The following MAPK10 variants were observed in gnomAD, a reference collection of about 807,000 sequenced individuals.
MAPK10 encodes the protein mitogen-activated protein kinase 10, also known as JNK3 alpha protein kinase.
MAPK10 carries 25 observed loss-of-function variants against 59.3 expected under a neutral mutation model. The ratio of observed to expected loss-of-function variants is 0.42; its 90% CI spans 0.31 to 0.59. The LOEUF (loss-of-function observed/expected upper bound fraction) is 0.59. MAPK10 is among the 20% of genes least tolerant of loss of function. The pLI, the probability that MAPK10 is intolerant of heterozygous loss-of-function variation, is 0.15. For missense variants in MAPK10, 351 were observed against 568.9 expected, an observed-to-expected ratio of 0.62 and a Z score of 3.90; for synonymous variants, 190 against 200.5, an observed-to-expected ratio of 0.95 and a Z score of 0.44.
At chr4:86,134,127 A>C (rs1400573403) in intron 4 of MAPK10, among the ~76,000 whole-genome samples, 3 of 152,216 alleles carry the variant, frequency 2.0e-5, no homozygotes, top group African/African-American at 7.2e-5. Flanking sequence ...CCAAAATCTA[A>C]GTCCTATTAA....
intron 2 of MAPK10, among the ~76,000 whole-genome samples, chr4:86,352,882 A>G (rs1732302249): frequency 6.6e-6 from 1 of 152,198 alleles, no homozygotes; most frequent in East Asian, 1.9e-4. Flanking sequence ...ATTTTGTCTA[A>G]GAGATCCTTC....
intron 2 of MAPK10, among the ~76,000 whole-genome samples, chr4:86,241,059 T>G (rs1222447800): frequency 1.3e-5 from 2 of 152,224 alleles, no homozygotes; most frequent in African/African-American, 4.8e-5. Flanking sequence ...AGCATTTTCT[T>G]GTCTGGAAAG....
chr4:86,415,697 A>G (rs974604004), intron 1 of MAPK10, among the ~76,000 whole-genome samples: 1 of 152,212 alleles, frequency 6.6e-6, no homozygotes, highest in African/African-American at 2.4e-5. Context: ...TGGTGACCAT[A>G]TATTTTCTCT....
intron 2 of MAPK10, among the ~76,000 whole-genome samples, chr4:86,337,164 A>C (rs574371729): frequency 6.6e-6 from 1 of 152,314 alleles, no homozygotes; most frequent in South Asian, 2.1e-4. Context: ...TAGATACTCA[A>C]TAAATATTTG....
upstream of MAPK10, chr4:86,453,358 C>T (rs1033193607): frequency 6.5e-6 from 1 of 152,724 alleles, no homozygotes; most frequent in Non-Finnish European, 1.5e-5. Context: ...GGGGAAAGTA[C>T]TCGGTCCTGC....
chr4:86,384,151 G>C (rs1196300218), intron 1 of MAPK10: 3 of 152,162 alleles, frequency 2.0e-5, no homozygotes, highest in African/African-American at 7.2e-5. Flanking sequence ...CTAGAAAGTA[G>C]CTTTGATGTT....
chr4:86,242,732 A>G (rs552825174), intron 2 of MAPK10, among the ~76,000 whole-genome samples: 94 of 152,338 alleles, frequency 6.2e-4, no homozygotes, highest in African/African-American at 1.0e-3. Context: ...GAGCTACAGA[A>G]GTAGGTGCTG....
At chr4:86,414,766 A>T (rs1241849604) in intron 1 of MAPK10, among the ~76,000 whole-genome samples, 1 of 152,096 alleles carries the variant, frequency 6.6e-6, no homozygotes, top group East Asian at 1.9e-4. Flanking sequence ...CAGGTCCCCT[A>T]AAAAGGATAT....
At chr4:86,077,921 A>G (rs1200149085) in intron 9 of MAPK10, among the ~76,000 whole-genome samples, 2 of 152,190 alleles carry the variant, frequency 1.3e-5, no homozygotes, top group Non-Finnish European at 2.9e-5. Flanking sequence ...TCAGTTAGTA[A>G]TGTCTGCAAC....
At chr4:86,308,832 G>A (rs2095617857) in intron 2 of MAPK10, 1 of 152,036 alleles carries the variant, frequency 6.6e-6, no homozygotes, top group Non-Finnish European at 1.5e-5. Flanking sequence ...AATATGAACT[G>A]GTATTCAATT....
Position 86,237,614 on chromosome 4 carries a change from A to G in MAPK10, c.-6-43207T>C, listed in dbSNP as rs1158708334. Among the ~76,000 whole-genome samples, 8 of 152,224 alleles carry G rather than the reference A, an allele frequency of 5.3e-5. No homozygotes were observed. The East Asian group carries it at 5.8e-4, about 11-fold the overall frequency. ...CATTTCTCTGATGTTCAGTGATGTTAAGCTTTTTTTCATATGTTTCTTGGC... is the reference window on the plus strand; with the variant it reads ...CATTTCTCTGATGTTCAGTGATGTTGAGCTTTTTTTCATATGTTTCTTGGC... On this transcript the variant is annotated intron_variant, in intron 2 of 13. Transcript: ENST00000641462.
intron 2 of MAPK10, among the ~76,000 whole-genome samples, chr4:86,305,820 C>CA (rs34255377): frequency 4.2e-3 from 469 of 111,914 alleles, no homozygotes; most frequent in East Asian, 9.6e-3. Context: ...ACTCCATCTC[C>CA]AAAAAAAAAA....
At chr4:86,207,544 C>G (rs1181363842) in intron 2 of MAPK10, among the ~76,000 whole-genome samples, 1 of 151,904 alleles carries the variant, frequency 6.6e-6, no homozygotes, top group Non-Finnish European at 1.5e-5. Context: ...TTTTTTGGTT[C>G]CATATGAACT....
At chr4:86,276,236 T>C (rs1320942906) in intron 2 of MAPK10, among the ~76,000 whole-genome samples, 3 of 152,106 alleles carry the variant, frequency 2.0e-5, no homozygotes, top group African/African-American at 7.2e-5. Context: ...TATCACACAA[T>C]GTGTCTATAT....
chr4:86,516,268 T>C (rs1016456888), intron 1 of MAPK10, among the ~76,000 whole-genome samples: 4 of 152,242 alleles, frequency 2.6e-5, no homozygotes, highest in Non-Finnish European at 4.4e-5. Context: ...AGTACCATGC[T>C]ATTTTGGTGA....
At chr4:86,469,486 TTC>T in intron 1 of MAPK10, among the ~76,000 whole-genome samples, 1 of 152,148 alleles carries the variant, frequency 6.6e-6, no homozygotes, top group South Asian at 2.1e-4. Flanking sequence ...GATTCTATGG[TTC>T]TGTCTAGTAG....
intron 1 of MAPK10, among the ~76,000 whole-genome samples, chr4:86,406,786 C>T (rs754358398): frequency 2.6e-4 from 40 of 152,118 alleles, no homozygotes; most frequent in Admixed American, 1.9e-3. Context: ...GCCTTAATTA[C>T]AGAAATGGTC....
At chr4:86,262,145 C>T (rs1209284505) in intron 2 of MAPK10, among the ~76,000 whole-genome samples, 1 of 152,166 alleles carries the variant, frequency 6.6e-6, no homozygotes, top group Non-Finnish European at 1.5e-5. Context: ...AGAAGTGGGA[C>T]TTTTGAGAGG....
intron 1 of MAPK10, among the ~76,000 whole-genome samples, chr4:86,584,057 G>A (rs1762496595): frequency 6.6e-6 from 1 of 152,164 alleles, no homozygotes; most frequent in Admixed American, 6.5e-5. Context: ...GTGTGTGCAT[G>A]CATGGGTGTA....
Sources: gnomAD v4.1 joint callset for allele counts (sites outside exome capture counted in the v4.1 genomes callset) on GRCh38, gnomAD v4.1.1 for gene constraint, MANE v1.5 for transcripts, NCBI Gene and HGNC (gene_info 2026-07-23, HGNC 2026-07-21) for gene names.